The following JAM3 variants were observed in gnomAD, a reference collection of about 807,000 sequenced individuals.
JAM3 encodes the protein junctional adhesion molecule 3, also known as junctional adhesion molecule C.
A neutral mutation model predicts 39.4 loss-of-function variants in JAM3; 31 were observed. That is an observed-to-expected ratio of 0.79 (90% CI 0.59 to 1.06). The LOEUF (loss-of-function observed/expected upper bound fraction) is 1.06. Among genes scored for constraint, JAM3 ranks in the 50% least tolerant of loss-of-function variants. The pLI, the probability that JAM3 is intolerant of heterozygous loss-of-function variation, is 0.00. For missense variants in JAM3, 455 were observed against 391.4 expected (o/e 1.16, Z -1.37); for synonymous variants, 182 against 148.7 (o/e 1.22, Z -1.63).
At chr11:134,149,038 TAAG>T in intron 8 of JAM3, 105 bp from the exon 9 acceptor site, 1 of 1,365,874 alleles carries the variant, frequency 7.3e-7, no homozygotes, top group South Asian at 1.2e-5. Context: ...TGGTACTTTT[TAAG>T]AATGATTATT....
chr11:134,148,508 G>T (rs555979256), intron 6 of JAM3, 39 bp from the exon 7 acceptor site: 3 of 1,613,956 alleles, frequency 1.9e-6, no homozygotes, highest in South Asian at 1.1e-5. Context: ...ATAACAGATA[G>T]TGTGTATCAT....
chr11:134,147,610 C>T lies in JAM3; in HGVS notation c.713-937C>T, dbSNP rs555696514. On this transcript the variant is annotated intron_variant, in intron 6 of 8. Transcript: ENST00000299106. The stretch of plus-strand genomic sequence containing the variant: ...CACACCTTTCTCCTGCCTCAGCCTC[C>T]TGAGTAGCTGGGACTACAGGCACCT... 4.3e-3 allele frequency among the ~76,000 whole-genome samples: 655 copies of T among 151,940 alleles called. 8 individuals are homozygous for T. Among genetic ancestry groups the T allele is most frequent in the African/African-American group, 0.015 (617 of 41,464 alleles).
rs1439386908 is a variant in JAM3 at position 134,077,720 on chromosome 11, C to G, written c.76+8561C>G. On this transcript the variant is annotated intron_variant, in intron 1 of 8. Transcript: ENST00000299106. ...GCCCATGCTGGAATGCAGTGGAAATCTCGGCTCGGAAATCACTGCAACCTC... is the reference window on the plus strand; with the variant it reads ...GCCCATGCTGGAATGCAGTGGAAATGTCGGCTCGGAAATCACTGCAACCTC... 2.2e-5 allele frequency among the ~76,000 whole-genome samples: 3 copies of G among 135,078 alleles called. No homozygotes were observed. In the East Asian group the frequency reaches 7.3e-4, roughly 33 times the overall value. 88.6% of individuals were successfully genotyped at this position (135,078 alleles called of 152,430 possible).
intron 1 of JAM3, among the ~76,000 whole-genome samples, chr11:134,086,237 A>T (rs1305360047): frequency 1.3e-5 from 2 of 152,212 alleles, no homozygotes; most frequent in Non-Finnish European, 2.9e-5. Flanking sequence ...GTTCTGAAGT[A>T]TCATGAGTCC....
chr11:134,113,165 A>G (rs1241371734), intron 1 of JAM3, among the ~76,000 whole-genome samples: 6 of 151,014 alleles, frequency 4.0e-5, no homozygotes, highest in Admixed American at 4.0e-4. Flanking sequence ...CAGAGTAGTA[A>G]TTGACAATGT....
rs568781211 is a variant in JAM3 at position 134,127,817 on chromosome 11, G to C, written c.77-12034G>C. Among the ~76,000 whole-genome samples, 3 of 152,300 alleles carry C rather than the reference G, an allele frequency of 2.0e-5. No individual in the cohort carries two copies. The East Asian group carries it at 5.8e-4, about 29-fold the overall frequency. ...ACCGCTGCTCCTAGAATCACATTAA[G>C]AAAGGCATAGAAGAGAGGAAACAGA... On this transcript the variant is annotated intron_variant, in intron 1 of 8. Coordinates refer to ENST00000299106, the MANE Select transcript of JAM3 (RefSeq NM_032801.5).
intron 1 of JAM3, chr11:134,126,498 AT>A (rs1337240106): frequency 6.6e-6 from 1 of 152,214 alleles, no homozygotes; most frequent in Non-Finnish European, 1.5e-5. Context: ...TGTGCTGTTT[AT>A]CTTAGGGCAA....
At chr11:134,119,814 G>A (rs765156593) in intron 1 of JAM3, among the ~76,000 whole-genome samples, 25 of 152,272 alleles carry the variant, frequency 1.6e-4, no homozygotes, top group Admixed American at 7.2e-4. Flanking sequence ...CTCACAGCTA[G>A]GTTTATTTGG....
chr11:134,096,167 G>A (rs1941979221), intron 1 of JAM3, among the ~76,000 whole-genome samples: 1 of 152,156 alleles, frequency 6.6e-6, no homozygotes, highest in South Asian at 2.1e-4. Flanking sequence ...AGTAGAGACG[G>A]GGTTTCTCCA....
chr11:134,088,377 G>C (rs992885553), intron 1 of JAM3, among the ~76,000 whole-genome samples: 1 of 150,922 alleles, frequency 6.6e-6, no homozygotes, highest in Non-Finnish European at 1.5e-5. Context: ...AAATGCTTAC[G>C]AAATGCTTGG....
intron 3 of JAM3, among the ~76,000 whole-genome samples, chr11:134,142,873 G>A (rs1199112018): frequency 3.3e-5 from 5 of 152,124 alleles, no homozygotes; most frequent in South Asian, 4.1e-4. Flanking sequence ...CATGGCTGAC[G>A]TCTTTCACTC....
chr11:134,149,303 C>T lies in JAM3; in HGVS notation c.*122C>T, dbSNP rs934612322. Reference sequence around the variant, plus strand: ...GCTAGACACTCATTCAGAAGCTTTTCGTTTTGGCCAAAGTTGACCACTACT... The same window carrying T: ...GCTAGACACTCATTCAGAAGCTTTTTGTTTTGGCCAAAGTTGACCACTACT... On this transcript the variant is annotated 3_prime_UTR_variant, in exon 9 of 9. Coordinates refer to ENST00000299106, the MANE Select transcript of JAM3 (RefSeq NM_032801.5). 14 of 1,226,514 alleles carry T rather than the reference C, an allele frequency of 1.1e-5. No homozygotes were observed. In the East Asian group the frequency reaches 1.2e-4, roughly 11 times the overall value. The allele number at this position is 1,226,514 out of a possible 1,614,324, so 76.0% of individuals were successfully genotyped here. A position where few individuals can be genotyped will look rare whatever the true frequency, so the allele number is the denominator to read the frequency against.
chr11:134,112,816 G>A (rs1027189301), intron 1 of JAM3, among the ~76,000 whole-genome samples: 2 of 152,160 alleles, frequency 1.3e-5, no homozygotes, highest in Admixed American at 1.3e-4. Flanking sequence ...CCTTCATGTC[G>A]TGTAAGAGGA....
At chr11:134,148,320 C>T (rs1172522212) in intron 6 of JAM3, 6 of 590,302 alleles carry the variant, frequency 1.0e-5, no homozygotes, top group Non-Finnish European at 1.5e-5. Context: ...GACTGCATTT[C>T]AACTGTAGAA....
At chr11:134,136,090 T>C (rs1942860320) in intron 1 of JAM3, among the ~76,000 whole-genome samples, 1 of 151,570 alleles carries the variant, frequency 6.6e-6, no homozygotes, top group Non-Finnish European at 1.5e-5. Flanking sequence ...CAAAAACTGC[T>C]GAATGAATGG....
intron 1 of JAM3, among the ~76,000 whole-genome samples, chr11:134,080,344 A>G (rs758351136): frequency 1.3e-5 from 2 of 152,222 alleles, no homozygotes; most frequent in African/African-American, 2.4e-5. Flanking sequence ...AAAAGATGAA[A>G]TCTATGGACT....
intron 1 of JAM3, among the ~76,000 whole-genome samples, chr11:134,103,366 T>C (rs575685700): frequency 1.1e-4 from 17 of 152,270 alleles, no homozygotes; most frequent in African/African-American, 3.9e-4. Flanking sequence ...AAGGAAGCAC[T>C]AAACATGGAA....
chr11:134,124,461 CTA>C (rs1384693667), intron 1 of JAM3: 3 of 482,722 alleles, frequency 6.2e-6, no homozygotes, highest in Non-Finnish European at 7.4e-6. Flanking sequence ...AGTGTTTTCT[CTA>C]TTCAACTTGT....
chr11:134,106,978 C>G (rs11223690), intron 1 of JAM3, among the ~76,000 whole-genome samples: 23,132 of 152,148 alleles, frequency 0.15, 1,920 homozygotes, highest in African/African-American at 0.22. Flanking sequence ...CATTCCATTA[C>G]TGGGTATATA....
Sources: allele counts gnomAD v4.1 joint callset (sites outside exome capture counted in the v4.1 genomes callset), GRCh38; gene constraint gnomAD v4.1.1; transcripts MANE v1.5; gene names NCBI Gene and HGNC (gene_info 2026-07-23, HGNC 2026-07-21).